The following ANP32A variants were observed in gnomAD, a reference collection of about 807,000 sequenced individuals.
ANP32A encodes the protein acidic leucine-rich nuclear phosphoprotein 32 family member A.
In ANP32A, 1 loss-of-function variant was observed where a neutral mutation model predicts 33.9. The observed-to-expected ratio is 0.03, with a 90% CI of 0.01 to 0.14. The LOEUF (loss-of-function observed/expected upper bound fraction) is 0.14, where lower values mean the gene tolerates loss of function less well. ANP32A is among the 10% of genes least tolerant of loss of function. The pLI, the probability that ANP32A is intolerant of heterozygous loss-of-function variation, is 1.00. For missense variants in ANP32A, 155 were observed against 306.0 expected (o/e 0.51, Z 3.68); for synonymous variants, 115 against 120.5 (o/e 0.95, Z 0.30).
chr15:68,816,277 G>A (rs374396517), intron 1 of ANP32A, among the ~76,000 whole-genome samples: 292 of 152,298 alleles, frequency 1.9e-3, no homozygotes, highest in African/African-American at 6.7e-3. Flanking sequence ...GTGTTTCAAA[G>A]GAGGCAGTAG....
chr15:68,780,283 G>T lies in ANP32A; in HGVS notation c.688+127C>A. 1 of 1,566,918 alleles carries T rather than the reference G, an allele frequency of 6.4e-7. No individual in the cohort carries two copies. Among genetic ancestry groups the T allele is most frequent in the South Asian group, 1.2e-5 (1 of 85,148 alleles). On this transcript the variant is annotated intron_variant, in intron 6 of 6. Coordinates refer to ENST00000465139, the MANE Select transcript of ANP32A (RefSeq NM_006305.4). The surrounding 1 kb of genome is among the most constrained non-coding windows in gnomAD (Gnocchi z 4.3). ...CCGAGGCAAGACATCTGCACAGCTG[G>T]AAGGGGAATCTGAGGCCTCTGACAG...
intron 4 of ANP32A, 129 bp downstream of exon 4, chr15:68,784,268 A>G: frequency 9.4e-7 from 1 of 1,065,548 alleles, no homozygotes; most frequent in South Asian, 1.4e-5. Context: ...GCTACCAGAC[A>G]GACAGCCAGC....
chr15:68,783,112 A>G, intron 4 of ANP32A, 59 bp from the exon 5 acceptor site: 2 of 1,547,574 alleles, frequency 1.3e-6, no homozygotes, highest in Non-Finnish European at 1.7e-6. Flanking sequence ...TCCGCCCCCC[A>G]CACAGCACAG....
At chr15:68,782,709 G>T in intron 5 of ANP32A, 2 of 578,846 alleles carry the variant, frequency 3.5e-6, no homozygotes, top group East Asian at 3.2e-5. Flanking sequence ...GCTTACCCCA[G>T]CAGGTTCAGT....
At chr15:68,782,573 A>G (rs1202758376) in intron 5 of ANP32A, among the ~76,000 whole-genome samples, 1 of 152,222 alleles carries the variant, frequency 6.6e-6, no homozygotes, top group Non-Finnish European at 1.5e-5. Flanking sequence ...TATCAGTTCA[A>G]GGCAGACTTT....
chr15:68,792,150 C>T (rs1596066663), intron 1 of ANP32A: 1 of 152,180 alleles, frequency 6.6e-6, no homozygotes, highest in East Asian at 1.9e-4. Flanking sequence ...AAACCAAGGC[C>T]CACTTCCCCT....
intron 1 of ANP32A, among the ~76,000 whole-genome samples, chr15:68,812,048 T>TTC (rs1567040167): frequency 6.6e-6 from 1 of 151,132 alleles, no homozygotes. Context: ...TTTTTTTTTT[T>TTC]TTAAGTGAAT....
intron 5 of ANP32A, among the ~76,000 whole-genome samples, chr15:68,782,338 TATCATG>T (rs1489434127): frequency 1.3e-5 from 2 of 152,314 alleles, no homozygotes; most frequent in East Asian, 3.9e-4. Flanking sequence ...GTGAGAAAGC[TATCATG>T]ATCCCTATTT....
intron 1 of ANP32A, among the ~76,000 whole-genome samples, chr15:68,818,874 C>G (rs966465061): frequency 3.3e-5 from 5 of 151,974 alleles, no homozygotes; most frequent in African/African-American, 1.2e-4. Flanking sequence ...CGCCGGGTCC[C>G]GGCCGGGACG....
chr15:68,815,339 T>C (rs895879321), intron 1 of ANP32A, among the ~76,000 whole-genome samples: 1 of 152,214 alleles, frequency 6.6e-6, no homozygotes, highest in Non-Finnish European at 1.5e-5. Context: ...GGGACTTTTA[T>C]AACAAGAGAA....
At chr15:68,807,811 T>A (rs1279751559) in intron 1 of ANP32A, among the ~76,000 whole-genome samples, 2 of 152,200 alleles carry the variant, frequency 1.3e-5, no homozygotes, top group African/African-American at 2.4e-5. Context: ...TACTGCCCAC[T>A]GTACCTGACT....
At position 68,784,485 on chromosome 15, in the gene ANP32A, G is replaced by A. The variant is rs1258448167; in HGVS notation, c.438C>T (p.Asp146=). Residue 146 remains aspartate, a synonymous_variant, in exon 4 of 7, where the codon GAC becomes GAT. Coordinates refer to ENST00000465139, the MANE Select transcript of ANP32A (RefSeq NM_006305.4). The part of the protein sequence containing the change: ...FKLLPQLTYL[D]GYDRDDKEAP... ...CCTCCTTGTCGTCCCGGTCATAGCC[G>A]TCGAGATATGTGAGTTGCGGGAGGA... 6.2e-6 allele frequency: 10 copies of A among 1,614,114 alleles called. No homozygotes were observed. Among genetic ancestry groups the A allele is most frequent in the Middle Eastern group, 1.6e-4 (1 of 6,062 alleles).
chr15:68,794,811 T>A (rs577198480), intron 1 of ANP32A, among the ~76,000 whole-genome samples: 3 of 152,226 alleles, frequency 2.0e-5, no homozygotes, highest in Non-Finnish European at 2.9e-5. Flanking sequence ...AGAAGGGCCT[T>A]AGGGATCTCC....
intron 3 of ANP32A, chr15:68,787,167 A>AG: frequency 2.1e-6 from 1 of 467,518 alleles, no homozygotes; most frequent in South Asian, 2.8e-5. Context: ...AATTGAAACT[A>AG]GGGTTCTACG....
chr15:68,780,167 T>G lies in ANP32A; in HGVS notation c.689-25A>C, dbSNP rs1893849215. ...TCTGGAAAAGTAAGAAAGCGGCATT[T>G]AGATTAGTTATTAATCCCACCTCTT... On this transcript the variant is annotated intron_variant, in intron 6 of 6. Transcript: ENST00000465139. This position sits in a 1 kb window ranked among gnomAD's most constrained non-coding sequence, Gnocchi z 4.3. 6.2e-7 allele frequency: 1 copy of G among 1,613,144 alleles called. No individual in the cohort carries two copies. Among genetic ancestry groups the G allele is most frequent in the Non-Finnish European group, 8.5e-7 (1 of 1,179,502 alleles).
At chr15:68,795,930 T>C (rs551652611) in intron 1 of ANP32A, among the ~76,000 whole-genome samples, 4 of 152,226 alleles carry the variant, frequency 2.6e-5, no homozygotes, top group Non-Finnish European at 5.9e-5. Context: ...CTTAAAAGTG[T>C]TCACAGAGGA....
intron 3 of ANP32A, among the ~76,000 whole-genome samples, chr15:68,784,922 G>T (rs1393991061): frequency 6.6e-6 from 1 of 152,146 alleles, no homozygotes; most frequent in African/African-American, 2.4e-5. Flanking sequence ...GGGCTTTCTT[G>T]GTGCATGAGC....
chr15:68,820,815 C>T lies in ANP32A; in HGVS notation c.-64G>A. ...GGAATTCAATCAATAAACCCCGAAC[C>T]CACGGCCGCGCGTTTTAGGACTTTG... is the stretch of plus-strand genomic sequence containing the variant. On this transcript the variant is annotated 5_prime_UTR_variant, in exon 1 of 7. Transcript: ENST00000465139. 6.2e-7 allele frequency: 1 copy of T among 1,602,406 alleles called. No homozygotes were observed. The highest frequency in any genetic ancestry group is 1.7e-5 in the Admixed American group (1 of 59,904).
Position 68,784,543 on chromosome 15 carries a change from T to C in ANP32A, c.380A>G (p.Asn127Ser). The C allele has an allele frequency of 6.2e-7, 1 of 1,614,066 alleles. No individual in the cohort carries two copies. The highest frequency in any genetic ancestry group is 8.5e-7 in the Non-Finnish European group (1 of 1,180,012). Residue 127 changes from asparagine to serine, a missense_variant, in exon 4 of 7, where the codon AAC (asparagine) becomes AGC (serine). By Grantham distance (46) the Asn-to-Ser change is conservative. This residue lies in a region of ANP32A where 85 missense variants were observed against 183.8 expected (regional missense o/e 0.46). Coordinates refer to ENST00000465139, the MANE Select transcript of ANP32A (RefSeq NM_006305.4). Reference sequence around the variant, plus strand: ...CACATTTTCTCGGTAGTCGTTCAGGTTGGTTACCTCGCAATTGAAAAGGTC... The same window carrying C: ...CACATTTTCTCGGTAGTCGTTCAGGCTGGTTACCTCGCAATTGAAAAGGTC... ...SLDLFNCEVT[N>S]LNDYRENVFK...
Sources: gnomAD v4.1 joint callset for allele counts (sites outside exome capture counted in the v4.1 genomes callset) on GRCh38, gnomAD v4.1.1 for gene constraint, gnomAD v4.1.1 regional missense constraint, Gnocchi (gnomAD v3.1) non-coding constraint, MANE v1.5 for transcripts, NCBI Gene and HGNC (gene_info 2026-07-23, HGNC 2026-07-21) for gene names.